The following GXYLT2 variants were observed in gnomAD, a reference collection of about 807,000 sequenced individuals.
GXYLT2 encodes the protein glycosyltransferase 8 domain containing 4.
GXYLT2 carries 53 observed loss-of-function variants against 45.8 expected under a neutral mutation model. The ratio of observed to expected loss-of-function variants is 1.16; its 90% CI spans 0.93 to 1.46. The LOEUF (loss-of-function observed/expected upper bound fraction) is 1.46, where lower values mean the gene tolerates loss of function less well. Ranked by LOEUF, GXYLT2 falls within the 40% of genes most tolerant of loss-of-function variation. The probability of loss-of-function intolerance (pLI) is 0.00; values close to 1 mark genes in which losing one functional copy is unlikely to be tolerated. For missense variants in GXYLT2, 551 were observed against 544.4 expected (o/e 1.01, Z -0.12); for synonymous variants, 219 against 214.2 (o/e 1.02, Z -0.19).
chr3:72,890,337 G>A (rs542405893), intron 1 of GXYLT2, among the ~76,000 whole-genome samples: 35 of 152,384 alleles, frequency 2.3e-4, no homozygotes, highest in African/African-American at 8.4e-4. Context: ...AGAATCAGAA[G>A]CTTTGGGGGG....
At chr3:72,937,329 G>A (rs1057320841) in intron 3 of GXYLT2, among the ~76,000 whole-genome samples, 15 of 152,226 alleles carry the variant, frequency 9.9e-5, no homozygotes, top group Middle Eastern at 3.4e-3. Flanking sequence ...ATGAAAATGC[G>A]TTTTTTACTA....
chr3:72,969,406 A>G (rs1381203448), intron 6 of GXYLT2, among the ~76,000 whole-genome samples: 12 of 152,000 alleles, frequency 7.9e-5, no homozygotes, highest in Non-Finnish European at 1.5e-4. Flanking sequence ...AAAAAAAAAA[A>G]AAATTCACGA....
intron 3 of GXYLT2, among the ~76,000 whole-genome samples, chr3:72,931,301 C>T (rs1057307432): frequency 6.6e-6 from 1 of 151,798 alleles, no homozygotes; most frequent in African/African-American, 2.4e-5. Context: ...CATCTCCGCT[C>T]ACTGCAAGCT....
chr3:72,955,230 G>C lies in GXYLT2; in HGVS notation c.733G>C (p.Glu245Gln). The C allele has an allele frequency of 1.9e-6, 3 of 1,614,034 alleles. No homozygotes were observed. The highest frequency in any genetic ancestry group is 2.5e-6 in the Non-Finnish European group (3 of 1,179,888). ...GCTTGCAGCCATGGCCCCTGAGCAC[G>C]AAATCCCCAAGATTGGCTGGTACAG... ...TQLAAMAPEHEIPKIGWYSRF... is the reference protein window; with the variant it reads ...TQLAAMAPEHQIPKIGWYSRF... The change falls in exon 4 of 7, where the codon GAA (glutamate) becomes CAA (glutamine). Residue 245 changes from glutamate to glutamine, a missense_variant. Physicochemically the swap from Glu to Gln is conservative, Grantham distance 29. Transcript: ENST00000389617.
chr3:72,953,720 A>T (rs1156692361), intron 3 of GXYLT2, among the ~76,000 whole-genome samples: 1 of 152,204 alleles, frequency 6.6e-6, no homozygotes, highest in Non-Finnish European at 1.5e-5. Flanking sequence ...TTTAGAGGAA[A>T]AAGGTTGCCG....
chr3:72,973,932 A>G (rs1033594154), intron 6 of GXYLT2, among the ~76,000 whole-genome samples: 1 of 152,216 alleles, frequency 6.6e-6, no homozygotes, highest in African/African-American at 2.4e-5. Flanking sequence ...TCCTTCCGAG[A>G]AGAAACTGGC....
chr3:72,912,013 A>ATATATTTT (rs1156864738), intron 2 of GXYLT2, among the ~76,000 whole-genome samples: 4 of 114,924 alleles, frequency 3.5e-5, no homozygotes, highest in African/African-American at 1.2e-4. Context: ...ATATATATAT[A>ATATATTTT]TTTTTTTTTT....
At chr3:72,904,877 C>CAAAAAAAAA (rs774693806) in intron 1 of GXYLT2, among the ~76,000 whole-genome samples, 2 of 30,632 alleles carry the variant, frequency 6.5e-5, no homozygotes, top group African/African-American at 1.6e-4. Flanking sequence ...ACTAAAGATA[C>CAAAAAAAAA]AAAAAAAAAA....
intron 2 of GXYLT2, among the ~76,000 whole-genome samples, chr3:72,909,736 C>T (rs754590835): frequency 1.3e-5 from 2 of 152,146 alleles, no homozygotes; most frequent in African/African-American, 2.4e-5. Context: ...CACACGTGAC[C>T]TTTGCAGATC....
rs1404870201 is a variant in GXYLT2, at chr3:72,888,261, C to G, written c.28C>G (p.Leu10Val). 2.0e-6 allele frequency: 2 copies of G among 993,988 alleles called. No individual in the cohort carries two copies. Among genetic ancestry groups the G allele is most frequent in the Non-Finnish European group, 2.4e-6 (2 of 838,302 alleles). 61.6% of individuals were successfully genotyped at this position (993,988 alleles called of 1,614,324 possible). Residue 10 changes from leucine to valine, a missense_variant, in exon 1 of 7, where the codon CTG (leucine) becomes GTG (valine). Physicochemically the swap from Leu to Val is conservative, Grantham distance 32. Transcript: ENST00000389617. MKLRSKAAA[L>V]LLLALAALLL... ...GAAGCTCCGCAGCAAGGCGGCGGCGCTGCTCTTGCTCGCGCTGGCCGCGCT... is the reference window on the plus strand; with the variant it reads ...GAAGCTCCGCAGCAAGGCGGCGGCGGTGCTCTTGCTCGCGCTGGCCGCGCT...
At chr3:72,899,055 C>T (rs2107064965) in intron 1 of GXYLT2, among the ~76,000 whole-genome samples, 1 of 152,298 alleles carries the variant, frequency 6.6e-6, no homozygotes, top group East Asian at 1.9e-4. Context: ...TTCTAACTTA[C>T]TTGTATGTGG....
chr3:72,911,654 A>G (rs1709624969), intron 2 of GXYLT2, among the ~76,000 whole-genome samples: 1 of 152,132 alleles, frequency 6.6e-6, no homozygotes, highest in Non-Finnish European at 1.5e-5. Context: ...AACCCCTTCA[A>G]GCCTTCAGAT....
At chr3:72,924,793 A>G (rs1709890046) in intron 3 of GXYLT2, among the ~76,000 whole-genome samples, 1 of 152,146 alleles carries the variant, frequency 6.6e-6, no homozygotes, top group African/African-American at 2.4e-5. Context: ...AACAACTGTT[A>G]AGGTTGATCC....
chr3:72,932,762 A>G (rs1245028162), intron 3 of GXYLT2, among the ~76,000 whole-genome samples: 2 of 152,258 alleles, frequency 1.3e-5, no homozygotes, highest in African/African-American at 4.8e-5. Context: ...GGAATATGAG[A>G]TAATATACAA....
At position 72,955,329 on chromosome 3, in the gene GXYLT2, A is replaced by G; in HGVS notation, c.832A>G (p.Ile278Val). The change falls in exon 4 of 7, where the codon ATA becomes GTA. Residue 278 changes from isoleucine (I) to valine (V), a missense_variant. Ile to Val is a conservative substitution (Grantham distance 29). Transcript: ENST00000389617. ...AGTCATGTTAATGAATTTAACTCGG[A>G]TAAGAAGTACCCAGTTCAAGGTAAA... ...SGVMLMNLTRIRSTQFKNSMI... is the reference protein window; with the variant it reads ...SGVMLMNLTRVRSTQFKNSMI... 6.2e-7 allele frequency: 1 copy of G among 1,613,952 alleles called. No individual in the cohort carries two copies. Among genetic ancestry groups the G allele is most frequent in the Non-Finnish European group, 8.5e-7 (1 of 1,179,842 alleles).
intron 3 of GXYLT2, among the ~76,000 whole-genome samples, chr3:72,946,073 T>C (rs1250086747): frequency 6.6e-6 from 1 of 151,780 alleles, no homozygotes. Context: ...GCTCAGGAGT[T>C]TGAGATCAAT....
At chr3:72,950,132 G>A (rs141200116) in intron 3 of GXYLT2, among the ~76,000 whole-genome samples, 37 of 151,960 alleles carry the variant, frequency 2.4e-4, no homozygotes, top group Middle Eastern at 3.4e-3. Context: ...AGACCAACCT[G>A]GCAACAAACC....
Position 72,888,420 on chromosome 3 carries a change from G to T in GXYLT2, c.187G>T (p.Ala63Ser). The change falls in exon 1 of 7, where the codon GCC (alanine) becomes TCC (serine). Residue 63 changes from alanine to serine, a missense_variant. Transcript: ENST00000389617. The stretch of plus-strand genomic sequence containing the variant: ...GCCGGGGCCGGGCGCCCTCCCCGGG[G>T]CCAGCCCGGGAGTTCGGAGGCGCCG... ...RWPGPGALPG[A>S]SPGVRRRRPP... 1 of 1,073,136 alleles carries T rather than the reference G, an allele frequency of 9.3e-7. No individual in the cohort carries two copies. The highest frequency in any genetic ancestry group is 6.0e-5 in the East Asian group (1 of 16,652). The allele number at this position is 1,073,136 out of a possible 1,614,324, so 66.5% of individuals were successfully genotyped here.
intron 4 of GXYLT2, among the ~76,000 whole-genome samples, chr3:72,956,112 A>G (rs1710639191): frequency 6.6e-6 from 1 of 152,150 alleles, no homozygotes; most frequent in African/African-American, 2.4e-5. Flanking sequence ...TTAATGGGGC[A>G]TGGTGTCACG....
Sources: gnomAD v4.1 joint callset for allele counts (sites outside exome capture counted in the v4.1 genomes callset) on GRCh38, gnomAD v4.1.1 for gene constraint, MANE v1.5 for transcripts, NCBI Gene and HGNC (gene_info 2026-07-23, HGNC 2026-07-21) for gene names.